Variants in CTNNA3 observed in about 807,000 individuals in gnomAD.
The protein encoded by CTNNA3 is catenin alpha-3.
In CTNNA3, 76 loss-of-function variants were observed where a neutral mutation model predicts 95.7. That is an observed-to-expected ratio of 0.79 (90% CI 0.66 to 0.96). The LOEUF is 0.96. Among genes scored for constraint, CTNNA3 ranks in the 40% least tolerant of loss-of-function variants. The pLI is 0.00. For synonymous variants in CTNNA3, 431 were observed against 374.4 expected, an observed-to-expected ratio of 1.15 and a Z score of -1.74; for missense variants, 1,191 against 1,089.8, an observed-to-expected ratio of 1.09 and a Z score of -1.31.
chr10:66,648,196 C>T (rs1255935088), intron 9 of CTNNA3, among the ~76,000 whole-genome samples: 2 of 152,066 alleles, frequency 1.3e-5, no homozygotes, highest in Non-Finnish European at 2.9e-5. Context: ...AGAACTTTTA[C>T]AAAAGCCTTC....
At chr10:66,579,981 T>G (rs75191061) in intron 10 of CTNNA3, among the ~76,000 whole-genome samples, 4,778 of 151,800 alleles carry the variant, frequency 0.031, 246 homozygotes, top group African/African-American at 0.11. Flanking sequence ...TGTTTGGGGT[T>G]TGCATTATAG....
At chr10:67,336,523 T>A (rs1842001665) in intron 5 of CTNNA3, among the ~76,000 whole-genome samples, 1 of 152,212 alleles carries the variant, frequency 6.6e-6, no homozygotes, top group Non-Finnish European at 1.5e-5. Context: ...TCCAGGAGAT[T>A]AGCCCAGATA....
At chr10:66,224,713 T>C (rs963778371) in intron 13 of CTNNA3, among the ~76,000 whole-genome samples, 1 of 152,182 alleles carries the variant, frequency 6.6e-6, no homozygotes, top group Non-Finnish European at 1.5e-5. Context: ...AGGATGTGGC[T>C]TTCTTAAAAT....
At chr10:67,263,809 A>C (rs1263535847) in intron 5 of CTNNA3, among the ~76,000 whole-genome samples, 1 of 152,200 alleles carries the variant, frequency 6.6e-6, no homozygotes, top group African/African-American at 2.4e-5. Flanking sequence ...CTGGTGAAGA[A>C]GTAGCAAATC....
At chr10:66,189,699 ATAG>A (rs1331081290) in intron 13 of CTNNA3, among the ~76,000 whole-genome samples, 6 of 150,432 alleles carry the variant, frequency 4.0e-5, no homozygotes, top group African/African-American at 1.2e-4. Context: ...TTTAAATTAC[ATAG>A]TAGGAAAAAT....
At chr10:66,901,410 C>A (rs1270474615) in intron 7 of CTNNA3, among the ~76,000 whole-genome samples, 1 of 152,150 alleles carries the variant, frequency 6.6e-6, no homozygotes, top group East Asian at 1.9e-4. Context: ...TGGTACCAGC[C>A]ACTGCAAAAA....
intron 7 of CTNNA3, among the ~76,000 whole-genome samples, chr10:67,078,629 G>A (rs944637526): frequency 2.0e-5 from 3 of 151,988 alleles, no homozygotes; most frequent in African/African-American, 7.3e-5. Context: ...CAATTCTCCT[G>A]CCTCAGCCTC....
At chr10:66,771,892 G>A (rs1564672523) in intron 8 of CTNNA3, among the ~76,000 whole-genome samples, 2 of 152,122 alleles carry the variant, frequency 1.3e-5, no homozygotes, top group Non-Finnish European at 2.9e-5. Flanking sequence ...TGCACATGCT[G>A]TAAGTGTTCC....
At chr10:67,304,214 T>C (rs1840445814) in intron 5 of CTNNA3, among the ~76,000 whole-genome samples, 1 of 152,246 alleles carries the variant, frequency 6.6e-6, no homozygotes, top group African/African-American at 2.4e-5. Flanking sequence ...ATTTCTATTA[T>C]ACAATGCTTG....
At chr10:66,388,650 T>C (rs1049148246) in intron 11 of CTNNA3, among the ~76,000 whole-genome samples, 12 of 151,654 alleles carry the variant, frequency 7.9e-5, no homozygotes, top group African/African-American at 2.4e-4. Flanking sequence ...AAAAGTCTTA[T>C]ATAAACATAT....
intron 7 of CTNNA3, among the ~76,000 whole-genome samples, chr10:67,025,129 C>CAAAAAAAAA (rs1206262968): frequency 1.2e-4 from 3 of 25,366 alleles, no homozygotes; most frequent in Non-Finnish European, 1.6e-4. Flanking sequence ...AAAACTCTGT[C>CAAAAAAAAA]AAAAACAAAA....
chr10:65,965,710 T>C (rs943893731), intron 17 of CTNNA3, among the ~76,000 whole-genome samples: 1 of 152,106 alleles, frequency 6.6e-6, no homozygotes, highest in African/African-American at 2.4e-5. Context: ...CCACTACTTT[T>C]GATGGTGATC....
At chr10:67,229,078 T>A (rs756909897) in intron 5 of CTNNA3, among the ~76,000 whole-genome samples, 1 of 152,184 alleles carries the variant, frequency 6.6e-6, no homozygotes, top group Non-Finnish European at 1.5e-5. Context: ...AACAAAATAC[T>A]GGCTAACTGA....
intron 7 of CTNNA3, among the ~76,000 whole-genome samples, chr10:66,899,381 TCAAGATGGTCGTTTC>T (rs1417028453): frequency 6.6e-6 from 1 of 152,046 alleles, no homozygotes; most frequent in Non-Finnish European, 1.5e-5. Flanking sequence ...AGAACTGAAA[TCAAGATGGTCGTTTC>T]CAAGATGGCC....
intron 7 of CTNNA3, among the ~76,000 whole-genome samples, chr10:66,851,489 T>C (rs1843484561): frequency 6.6e-6 from 1 of 152,112 alleles, no homozygotes; most frequent in African/African-American, 2.4e-5. Context: ...TGGGGCCTGG[T>C]GGGATGTGGT....
chr10:67,052,313 A>T lies in CTNNA3; in HGVS notation c.1047+128004T>A, dbSNP rs74141774. On this transcript the variant is annotated intron_variant, in intron 7 of 17. Coordinates refer to ENST00000433211, the MANE Select transcript of CTNNA3 (RefSeq NM_013266.4). The stretch of plus-strand genomic sequence containing the variant: ...AGAAGAATCTTCACACCCACTCATC[A>T]CTCTCTCTCTCTCTCTCTCTCTCTC... Among the ~76,000 whole-genome samples, 680 of 120,846 alleles carry T rather than the reference A, an allele frequency of 5.6e-3. 3 individuals carry two copies. The highest frequency in any genetic ancestry group is 0.018 in the African/African-American group (536 of 30,042). 79.3% of individuals were successfully genotyped at this position (120,846 alleles called of 152,430 possible).
intron 9 of CTNNA3, among the ~76,000 whole-genome samples, chr10:66,627,373 T>C (rs1020890611): frequency 9.2e-5 from 14 of 152,126 alleles, no homozygotes; most frequent in African/African-American, 3.4e-4. Context: ...ATCCCTTACT[T>C]ACTAGTGCCA....
intron 9 of CTNNA3, among the ~76,000 whole-genome samples, chr10:66,735,531 T>C (rs1175296196): frequency 6.6e-6 from 1 of 151,986 alleles, no homozygotes; most frequent in Non-Finnish European, 1.5e-5. Context: ...ATTCTTAATA[T>C]ATTTCCATTT....
At chr10:66,521,102 A>T (rs1841051931) in intron 10 of CTNNA3, among the ~76,000 whole-genome samples, 1 of 151,394 alleles carries the variant, frequency 6.6e-6, no homozygotes, top group Non-Finnish European at 1.5e-5. Flanking sequence ...TACATTCATC[A>T]TCGACAATAG....
Sources: gnomAD v4.1 joint callset for allele counts (sites outside exome capture counted in the v4.1 genomes callset) on GRCh38, gnomAD v4.1.1 for gene constraint, MANE v1.5 for transcripts, NCBI Gene and HGNC (gene_info 2026-07-23, HGNC 2026-07-21) for gene names.